Variants in TBC1D4 observed in about 807,000 individuals in gnomAD.
TBC1D4 encodes the protein TBC (Tre-2, BUB2, CDC16) domain-containing protein.
A neutral mutation model predicts 142.5 loss-of-function variants in TBC1D4; 121 were observed. That is an observed-to-expected ratio of 0.85 (90% CI 0.73 to 0.99). The LOEUF (loss-of-function observed/expected upper bound fraction) is 0.99, where lower values mean the gene tolerates loss of function less well. TBC1D4 is among the 50% of genes least tolerant of loss of function. TBC1D4 has a pLI of 0.00. For synonymous variants in TBC1D4, 630 were observed against 628.2 expected, an observed-to-expected ratio of 1.00 and a Z score of -0.04; for missense variants, 1,475 against 1,606.6, an observed-to-expected ratio of 0.92 and a Z score of 1.40.
intron 1 of TBC1D4, among the ~76,000 whole-genome samples, chr13:75,412,013 G>C (rs1885692930): frequency 6.6e-6 from 1 of 152,154 alleles, no homozygotes; most frequent in Non-Finnish European, 1.5e-5. Context: ...ATAATAACCA[G>C]GCAATTCAAA....
At chr13:75,327,639 T>C in intron 9 of TBC1D4, 113 bp downstream of exon 9, 1 of 1,008,582 alleles carries the variant, frequency 9.9e-7, no homozygotes, top group South Asian at 1.4e-5. Context: ...CTCAAATATT[T>C]ATTTTTTAAA....
At chr13:75,438,388 T>G (rs934202854) in intron 1 of TBC1D4, among the ~76,000 whole-genome samples, 2 of 152,192 alleles carry the variant, frequency 1.3e-5, no homozygotes, top group Non-Finnish European at 1.5e-5. Flanking sequence ...CCCACCTTAA[T>G]AGCCCAGTCA....
chr13:75,379,759 T>A (rs185007072), intron 1 of TBC1D4, among the ~76,000 whole-genome samples: 39 of 152,220 alleles, frequency 2.6e-4, no homozygotes, highest in African/African-American at 8.9e-4. Context: ...TTCACTCTCC[T>A]GGGTCAGCTA....
At chr13:75,428,537 T>C (rs1400018800) in intron 1 of TBC1D4, among the ~76,000 whole-genome samples, 2 of 152,234 alleles carry the variant, frequency 1.3e-5, no homozygotes, top group African/African-American at 4.8e-5. Context: ...AATAATTTCC[T>C]TTAGCTCTTA....
At chr13:75,441,333 A>G (rs1887030657) in intron 1 of TBC1D4, among the ~76,000 whole-genome samples, 1 of 152,210 alleles carries the variant, frequency 6.6e-6, no homozygotes, top group Non-Finnish European at 1.5e-5. Flanking sequence ...TATTAAAAAA[A>G]CATGTAAAAT....
chr13:75,355,308 T>C (rs747931077), intron 4 of TBC1D4, among the ~76,000 whole-genome samples: 42 of 152,190 alleles, frequency 2.8e-4, no homozygotes, highest in Non-Finnish European at 3.8e-4. Context: ...AGAATGGTGA[T>C]GTATATGTCT....
chr13:75,296,484 C>T (rs139254861), intron 17 of TBC1D4, among the ~76,000 whole-genome samples: 12 of 152,210 alleles, frequency 7.9e-5, no homozygotes, highest in African/African-American at 1.9e-4. Context: ...CCTACCCTGC[C>T]GCACATACTC....
chr13:75,376,591 C>T lies in TBC1D4; in HGVS notation c.499-13984G>A, dbSNP rs186024751. 9.1e-4 allele frequency among the ~76,000 whole-genome samples: 139 copies of T among 152,280 alleles called. 1 individual carries two copies. The highest frequency in any genetic ancestry group is 7.4e-5 in the Non-Finnish European group (5 of 68,016). On this transcript the variant is annotated intron_variant, in intron 1 of 20. Coordinates refer to ENST00000377636, the MANE Select transcript of TBC1D4 (RefSeq NM_014832.5). ...CGAGATGGGGTTTTGCCTTGTTGGC[C>T]AGGCTGGTCTCGAACTCCTGACCTC... is the stretch of plus-strand genomic sequence containing the variant.
At chr13:75,367,333 G>A (rs1306380359) in intron 1 of TBC1D4, among the ~76,000 whole-genome samples, 2 of 152,108 alleles carry the variant, frequency 1.3e-5, no homozygotes, top group African/African-American at 4.8e-5. Context: ...ACGGTTCACT[G>A]ATAACAGATG....
intron 8 of TBC1D4, among the ~76,000 whole-genome samples, chr13:75,328,091 C>T (rs1185923369): frequency 1.3e-5 from 2 of 152,208 alleles, no homozygotes; most frequent in African/African-American, 4.8e-5. Flanking sequence ...CAAGATTACA[C>T]GTTATTCATC....
At chr13:75,287,762 T>C (rs1280986844) in intron 20 of TBC1D4, among the ~76,000 whole-genome samples, 1 of 152,172 alleles carries the variant, frequency 6.6e-6, no homozygotes, top group African/African-American at 2.4e-5. Flanking sequence ...ACTTTAGAGA[T>C]CCCTCATTTC....
At chr13:75,368,594 G>A (rs1431267910) in intron 1 of TBC1D4, among the ~76,000 whole-genome samples, 1 of 152,146 alleles carries the variant, frequency 6.6e-6, no homozygotes, top group Non-Finnish European at 1.5e-5. Flanking sequence ...CTCCTCTCAT[G>A]CTGTCTCACT....
At chr13:75,297,425 A>C (rs1433157119) in intron 17 of TBC1D4, among the ~76,000 whole-genome samples, 1 of 152,166 alleles carries the variant, frequency 6.6e-6, no homozygotes, top group Non-Finnish European at 1.5e-5. Flanking sequence ...GAATTATTGA[A>C]TTCCTTACAA....
chr13:75,341,641 G>T, intron 5 of TBC1D4, 54 bp from the exon 6 acceptor site: 1 of 1,422,972 alleles, frequency 7.0e-7, no homozygotes, highest in Non-Finnish European at 9.9e-7. Flanking sequence ...CAGAGATCCA[G>T]GGGCAGAGAA....
chr13:75,420,874 A>G (rs1305420355), intron 1 of TBC1D4, among the ~76,000 whole-genome samples: 1 of 152,196 alleles, frequency 6.6e-6, no homozygotes, highest in Non-Finnish European at 1.5e-5. Context: ...TACCCTCTAC[A>G]AGAGCTGAAC....
At chr13:75,317,791 T>C (rs1252860420) in intron 12 of TBC1D4, among the ~76,000 whole-genome samples, 1 of 152,194 alleles carries the variant, frequency 6.6e-6, no homozygotes, top group Non-Finnish European at 1.5e-5. Context: ...TGGTATATTG[T>C]ATATATACTC....
At chr13:75,308,092 T>C (rs1877362443) in intron 14 of TBC1D4, among the ~76,000 whole-genome samples, 1 of 152,228 alleles carries the variant, frequency 6.6e-6, no homozygotes, top group Non-Finnish European at 1.5e-5. Context: ...AGTTAATATC[T>C]GCCCTTAACT....
At position 75,362,137 on chromosome 13, in the gene TBC1D4, T is replaced by C; in HGVS notation, c.969A>G (p.Gln323=). 1 of 1,613,810 alleles carries C rather than the reference T, an allele frequency of 6.2e-7. No homozygotes were observed. Among genetic ancestry groups the C allele is most frequent in the Non-Finnish European group, 8.5e-7 (1 of 1,180,008 alleles). The change falls in exon 2 of 21, where the codon CAA becomes CAG. Residue 323 remains glutamine (Q), a synonymous_variant. Transcript: ENST00000377636. The surrounding 1 kb of genome is among the most constrained non-coding windows in gnomAD (Gnocchi z 4.2). ...TCTGGCTGCCCTCGTGAACTCTCCG[T>C]TGCACGCCGGTGACACTGCTGCACC... is the stretch of plus-strand genomic sequence containing the variant. ...RSRCSSVTGV[Q]RRVHEGSQKS...
At chr13:75,296,112 G>A (rs1221015321) in intron 17 of TBC1D4, among the ~76,000 whole-genome samples, 1 of 151,742 alleles carries the variant, frequency 6.6e-6, no homozygotes, top group Non-Finnish European at 1.5e-5. Flanking sequence ...AATATCTTTA[G>A]AAACTCCGTT....
Sources: gnomAD v4.1 joint callset for allele counts (sites outside exome capture counted in the v4.1 genomes callset) on GRCh38, gnomAD v4.1.1 for gene constraint, Gnocchi (gnomAD v3.1) non-coding constraint, MANE v1.5 for transcripts, NCBI Gene and HGNC (gene_info 2026-07-23, HGNC 2026-07-21) for gene names.